The following AGO4 variants were observed in gnomAD, a reference collection of about 807,000 sequenced individuals.
AGO4 encodes argonaute RISC component 4.
Under a neutral mutation model 104.7 loss-of-function variants are expected in AGO4, and 33 were observed. That is an observed-to-expected ratio of 0.32 (90% CI 0.24 to 0.42). The LOEUF (loss-of-function observed/expected upper bound fraction) is 0.42. Among genes scored for constraint, AGO4 ranks in the 10% least tolerant of loss-of-function variants. AGO4 has a pLI of 1.00. For synonymous variants in AGO4, 331 were observed against 364.7 expected (o/e 0.91, Z 1.05); for missense variants, 711 against 1,083.4 (o/e 0.66, Z 4.83).
chr1:35,853,175 C>T lies in AGO4; in HGVS notation c.2478-322C>T, dbSNP rs1043640217. Among the ~76,000 whole-genome samples, 11 of 147,366 alleles carry T rather than the reference C, an allele frequency of 7.5e-5. No homozygotes were observed. The South Asian group carries it at 1.3e-3, about 17-fold the overall frequency. On this transcript the variant is annotated intron_variant, in intron 17 of 17. Transcript: ENST00000373210. Reference sequence around the variant, plus strand: ...CTGAGGCAGGAGAATGGTGTAAACCCGGGAGGCAGAGCTTGCAGTGAGCCG... The same window carrying T: ...CTGAGGCAGGAGAATGGTGTAAACCTGGGAGGCAGAGCTTGCAGTGAGCCG...
At chr1:35,847,950 A>T (rs1644612669) in intron 15 of AGO4, among the ~76,000 whole-genome samples, 1 of 152,142 alleles carries the variant, frequency 6.6e-6, no homozygotes, top group Non-Finnish European at 1.5e-5. Flanking sequence ...GGGTATAATT[A>T]GAATATCCAA....
Position 35,816,862 on chromosome 1 carries a change from A to G in AGO4, c.20-20A>G. On this transcript the variant is annotated intron_variant, in intron 1 of 17. Coordinates refer to ENST00000373210, the MANE Select transcript of AGO4 (RefSeq NM_017629.4). ...AAAGAAAAAAAAAATAGCACAGCAA[A>G]TGTCTTTCAATCTCTTTAGGACCTC... is the stretch of plus-strand genomic sequence containing the variant. 6.5e-7 allele frequency: 1 copy of G among 1,544,774 alleles called. No homozygotes were observed. Among genetic ancestry groups the G allele is most frequent in the Non-Finnish European group, 8.7e-7 (1 of 1,149,456 alleles).
intron 7 of AGO4, among the ~76,000 whole-genome samples, chr1:35,830,143 CAAAA>C (rs68143333): frequency 1.0e-4 from 10 of 100,238 alleles, no homozygotes; most frequent in Non-Finnish European, 1.5e-4. Flanking sequence ...GACTCTGTCT[CAAAA>C]AAAAAAAAAA....
At chr1:35,848,162 T>C (rs894464850) in intron 15 of AGO4, among the ~76,000 whole-genome samples, 3 of 152,234 alleles carry the variant, frequency 2.0e-5, no homozygotes, top group Non-Finnish European at 4.4e-5. Context: ...CAGCACATCA[T>C]ATAAATAGAA....
intron 6 of AGO4, 140 bp downstream of exon 6, chr1:35,826,200 C>A: frequency 2.1e-6 from 2 of 965,980 alleles, no homozygotes; most frequent in Non-Finnish European, 3.0e-6. Context: ...GTTCCTTAAC[C>A]ACTGTGAACC....
intron 11 of AGO4, 146 bp from the exon 12 acceptor site, chr1:35,833,844 C>T: frequency 1.5e-6 from 1 of 680,950 alleles, no homozygotes; most frequent in Non-Finnish European, 2.1e-6. Flanking sequence ...TTTTGGCAAC[C>T]AGTTAAAGAT....
At chr1:35,831,296 A>C in intron 7 of AGO4, 131 bp from the exon 8 acceptor site, 1 of 891,636 alleles carries the variant, frequency 1.1e-6, no homozygotes, top group East Asian at 2.8e-5. Flanking sequence ...CGGGAGGCGG[A>C]GGTTGAGATC....
chr1:35,839,085 A>G (rs1252630617), intron 13 of AGO4, among the ~76,000 whole-genome samples: 5 of 152,044 alleles, frequency 3.3e-5, no homozygotes, highest in Non-Finnish European at 7.4e-5. Flanking sequence ...GGCTCAAGCA[A>G]TCTTCCCACC....
At chr1:35,847,553 A>G (rs1466774413) in intron 15 of AGO4, among the ~76,000 whole-genome samples, 1 of 152,224 alleles carries the variant, frequency 6.6e-6, no homozygotes, top group Non-Finnish European at 1.5e-5. Flanking sequence ...ACAAATGTGT[A>G]CTGGGCCACA....
At position 35,822,981 on chromosome 1, in the gene AGO4, G is replaced by C. The variant is rs746270064; in HGVS notation, c.305G>C (p.Arg102Thr). Residue 102 changes from arginine (R) to threonine (T), a missense_variant and splice_region_variant, in exon 3 of 18, where the codon AGG becomes ACG. Around this residue, in one of 3 missense-constraint regions of AGO4, gnomAD observed 308 missense variants for 397.8 expected, o/e 0.77. Transcript: ENST00000373210. ...TAHPLPIGRD[R>T]VDMEVTLPGE... ...CATCCACTACCAATTGGACGGGATA[G>C]GGTAAGTGTTAAGAGCAAGAAATAC... The C allele has an allele frequency of 1.2e-6, 2 of 1,613,616 alleles. No individual in the cohort carries two copies. The highest frequency in any genetic ancestry group is 2.2e-5 in the East Asian group (1 of 44,852).
chr1:35,845,915 T>C (rs1199601277), intron 15 of AGO4, among the ~76,000 whole-genome samples: 2 of 152,170 alleles, frequency 1.3e-5, no homozygotes, highest in Non-Finnish European at 2.9e-5. Context: ...GAAGCATCTA[T>C]CTGGAACACT....
At chr1:35,823,226 C>T (rs1643925893) in intron 3 of AGO4, among the ~76,000 whole-genome samples, 1 of 151,346 alleles carries the variant, frequency 6.6e-6, no homozygotes, top group Admixed American at 6.6e-5. Flanking sequence ...ACAAAAGTTT[C>T]TGTAATAACA....
At chr1:35,812,899 A>G (rs188471908) in intron 1 of AGO4, among the ~76,000 whole-genome samples, 5 of 152,088 alleles carry the variant, frequency 3.3e-5, no homozygotes, top group African/African-American at 1.2e-4. Flanking sequence ...GCCTCTTACA[A>G]CTTTATGAAT....
rs758933456 is a variant in AGO4 at position 35,853,531 on chromosome 1, G to A, written c.2512G>A (p.Gly838Ser). 4 of 1,613,780 alleles carry A rather than the reference G, an allele frequency of 2.5e-6. No homozygotes were observed. The highest frequency in any genetic ancestry group is 2.2e-5 in the East Asian group (1 of 44,858). ...CAGTCATGTGTCAGGACAGAGCAAC[G>A]GCCGGGATCCTCAGGCCTTGGCTAA... ...EGSHVSGQSN[G>S]RDPQALAKAV... Residue 838 changes from glycine to serine, a missense_variant, in exon 18 of 18, where the codon GGC becomes AGC. Coordinates refer to ENST00000373210, the MANE Select transcript of AGO4 (RefSeq NM_017629.4).
intron 7 of AGO4, among the ~76,000 whole-genome samples, chr1:35,827,772 T>TA (rs1385718843): frequency 6.7e-6 from 1 of 149,930 alleles, no homozygotes; most frequent in Non-Finnish European, 1.5e-5. Context: ...AGCTTTTTTT[T>TA]ATTATACTGT....
chr1:35,815,958 A>G (rs1643680158), intron 1 of AGO4, among the ~76,000 whole-genome samples: 1 of 152,220 alleles, frequency 6.6e-6, no homozygotes, highest in African/African-American at 2.4e-5. Flanking sequence ...TAGGCATGTT[A>G]TAACTGAATA....
intron 2 of AGO4, among the ~76,000 whole-genome samples, chr1:35,818,705 A>G (rs28449969): frequency 2.2e-4 from 27 of 120,340 alleles, no homozygotes; most frequent in South Asian, 8.5e-4. Flanking sequence ...AAGGAAGGAA[A>G]GAAACAAACA....
chr1:35,822,892 C>A lies in AGO4; in HGVS notation c.216C>A (p.Phe72Leu), dbSNP rs760305306. ...TAGTAGATACAATGGTGCGGCACTT[C>A]AAGATGCAAATATTTGGTGATCGGC... ...REVVDTMVRH[F>L]KMQIFGDRQP... is the part of the protein sequence containing the mutation. Residue 72 changes from phenylalanine (F) to leucine (L), a missense_variant, in exon 3 of 18, where the codon TTC becomes TTA. By Grantham distance (22) the Phe-to-Leu change is conservative. Around this residue, in one of 3 missense-constraint regions of AGO4, gnomAD observed 308 missense variants for 397.8 expected, o/e 0.77. Coordinates refer to ENST00000373210, the MANE Select transcript of AGO4 (RefSeq NM_017629.4). 6.2e-7 allele frequency: 1 copy of A among 1,613,934 alleles called. No individual in the cohort carries two copies. Among genetic ancestry groups the A allele is most frequent in the Non-Finnish European group, 8.5e-7 (1 of 1,179,998 alleles).
chr1:35,810,438 C>T (rs79002021), intron 1 of AGO4, among the ~76,000 whole-genome samples: 1,556 of 152,170 alleles, frequency 0.01, 21 homozygotes, highest in African/African-American at 0.036. Context: ...TTGTTCTATC[C>T]CTCCCTGCCC....
Sources: gnomAD v4.1 joint callset for allele counts (sites outside exome capture counted in the v4.1 genomes callset) on GRCh38, gnomAD v4.1.1 for gene constraint, gnomAD v4.1.1 regional missense constraint, MANE v1.5 for transcripts, NCBI Gene and HGNC (gene_info 2026-07-23, HGNC 2026-07-21) for gene names.